The following ZNF469 variants were observed in gnomAD, a reference collection of about 807,000 sequenced individuals.
ZNF469 encodes zinc finger protein 469.
A neutral mutation model predicts 1.0 loss-of-function variants in ZNF469; 1 was observed. The observed-to-expected ratio is 1.00, with a 90% CI of 0.35 to 4.73. The LOEUF (loss-of-function observed/expected upper bound fraction) is 4.73. ZNF469 is among the 30% of genes most tolerant of loss of function. ZNF469 has a pLI of 0.16. For synonymous variants in ZNF469, 2,703 were observed against 2,363.4 expected, an observed-to-expected ratio of 1.14 and a Z score of -4.17; for missense variants, 6,100 against 5,356.3, an observed-to-expected ratio of 1.14 and a Z score of -4.33.
the ZNF469 span, among the ~76,000 whole-genome samples, chr16:88,163,044 G>A: frequency 1.1e-4 from 16 of 152,110 alleles, no homozygotes. Flanking sequence ...TGGATGAATG[G>A]ATGTGTGGGT....
chr16:88,319,890 G>T, the ZNF469 span, among the ~76,000 whole-genome samples: 1 of 152,220 alleles, frequency 6.6e-6, no homozygotes, highest in Admixed American at 6.5e-5. Flanking sequence ...CCAAGGAAAG[G>T]TTTTCTCCAG....
Position 88,431,192 on chromosome 16 carries a change from TCA to T in ZNF469, c.3725_3726del (p.Thr1242ArgfsTer32). On this transcript the variant is annotated frameshift_variant, in exon 3 of 3. Coordinates refer to ENST00000565624, the MANE Select transcript of ZNF469 (RefSeq NM_001367624.2). LOFTEE classifies it low-confidence loss of function (END_TRUNC). ...GAGTCAGCCCCGGACAGCACAGAATTCACAGAGGCTTTGCGTTCTCCTCCAGC... is the reference window on the plus strand; with the variant it reads ...GAGTCAGCCCCGGACAGCACAGAATTCAGAGGCTTTGCGTTCTCCTCCAGC... 1 of 1,550,098 alleles carries T rather than the reference TCA, an allele frequency of 6.5e-7. No homozygotes were observed. The highest frequency in any genetic ancestry group is 8.7e-7 in the Non-Finnish European group (1 of 1,146,952).
the ZNF469 span, among the ~76,000 whole-genome samples, chr16:88,105,288 C>CT: frequency 7.7e-6 from 1 of 130,434 alleles, no homozygotes; most frequent in Admixed American, 9.0e-5. Flanking sequence ...ACAGCATTTT[C>CT]TTTTTTCTTT....
the ZNF469 span, among the ~76,000 whole-genome samples, chr16:88,251,545 T>TTTTTTTTG: frequency 2.2e-4 from 5 of 22,550 alleles, no homozygotes; most frequent in Non-Finnish European, 4.0e-4. Context: ...TGTCTTTTTT[T>TTTTTTTTG]TTTTTTTTTT....
the ZNF469 span, among the ~76,000 whole-genome samples, chr16:88,286,674 G>C: frequency 6.6e-6 from 1 of 152,262 alleles, no homozygotes; most frequent in Non-Finnish European, 1.5e-5. Flanking sequence ...GGGCTGGCTG[G>C]GAAGAGGCTC....
At chr16:88,305,453 GACAC>G in the ZNF469 span, among the ~76,000 whole-genome samples, 25 of 95,674 alleles carry the variant, frequency 2.6e-4, no homozygotes, top group East Asian at 1.2e-3. Flanking sequence ...CATGCTCATA[GACAC>G]ACACGCACAC....
intron 1 of ZNF469, among the ~76,000 whole-genome samples, chr16:88,422,829 TGATGGATGGGTGGATG>T (rs1456895079): frequency 7.8e-6 from 1 of 128,214 alleles, no homozygotes; most frequent in Non-Finnish European, 1.6e-5. Context: ...GGTGGGTGGG[TGATGGATGGGTGGATG>T]GATGGATGGA....
At chr16:88,325,432 C>T in the ZNF469 span, among the ~76,000 whole-genome samples, 11 of 152,364 alleles carry the variant, frequency 7.2e-5, no homozygotes, top group Middle Eastern at 3.4e-3. Flanking sequence ...CCAATTCATG[C>T]CTGAAGGCGG....
chr16:88,282,282 C>T, the ZNF469 span, among the ~76,000 whole-genome samples: 1 of 152,124 alleles, frequency 6.6e-6, no homozygotes. Context: ...CGGAAGGCAC[C>T]TTGGGCCTGT....
the ZNF469 span, among the ~76,000 whole-genome samples, chr16:88,279,317 G>T: frequency 6.6e-6 from 1 of 150,776 alleles, no homozygotes; most frequent in African/African-American, 2.5e-5. Flanking sequence ...GCTGACACTC[G>T]GTCAGTACCT....
the ZNF469 span, among the ~76,000 whole-genome samples, chr16:88,207,450 G>A: frequency 4.9e-4 from 31 of 63,894 alleles, 10 homozygotes; most frequent in South Asian, 8.6e-3. Context: ...TGCGCCTCCT[G>A]GTTCCCTGGC....
At chr16:88,114,116 T>G in the ZNF469 span, among the ~76,000 whole-genome samples, 1 of 151,434 alleles carries the variant, frequency 6.6e-6, no homozygotes, top group Non-Finnish European at 1.5e-5. Context: ...TGTGCCCAAG[T>G]TTGCCCACCT....
chr16:88,294,328 T>A, the ZNF469 span, among the ~76,000 whole-genome samples: 1 of 152,188 alleles, frequency 6.6e-6, no homozygotes, highest in South Asian at 2.1e-4. Context: ...ACACACCATC[T>A]AAGCACCCGC....
intron 1 of ZNF469, among the ~76,000 whole-genome samples, chr16:88,388,089 G>T (rs1904385019): frequency 6.6e-6 from 1 of 152,270 alleles, no homozygotes; most frequent in Admixed American, 6.5e-5. Context: ...CTGCAGAGGG[G>T]CTCCCCAGAG....
chr16:88,238,462 A>G, the ZNF469 span, among the ~76,000 whole-genome samples: 4 of 150,502 alleles, frequency 2.7e-5, no homozygotes, highest in Admixed American at 2.6e-4. Context: ...TAGACCCTAA[A>G]TAGATAGACC....
At chr16:88,315,530 C>T in the ZNF469 span, among the ~76,000 whole-genome samples, 1 of 152,310 alleles carries the variant, frequency 6.6e-6, no homozygotes, top group Non-Finnish European at 1.5e-5. Flanking sequence ...CATTTTATCG[C>T]CATGGTGACC....
the ZNF469 span, among the ~76,000 whole-genome samples, chr16:88,317,062 C>A: frequency 1.3e-5 from 2 of 152,328 alleles, no homozygotes; most frequent in East Asian, 1.9e-4. Context: ...GGGGCTCTGG[C>A]AGAGAGAGGG....
chr16:88,281,688 C>T, the ZNF469 span, among the ~76,000 whole-genome samples: 16 of 147,236 alleles, frequency 1.1e-4, 1 homozygote, highest in South Asian at 3.0e-3. Context: ...CACCAACACT[C>T]GGTCAGTACC....
chr16:88,245,803 C>G, the ZNF469 span, among the ~76,000 whole-genome samples: 2 of 152,280 alleles, frequency 1.3e-5, no homozygotes, highest in African/African-American at 2.4e-5. Context: ...CCACCAGACA[C>G]TAGAACAAAG....
Sources: gnomAD v4.1 joint callset for allele counts (sites outside exome capture counted in the v4.1 genomes callset) on GRCh38, gnomAD v4.1.1 for gene constraint, MANE v1.5 for transcripts, NCBI Gene and HGNC (gene_info 2026-07-23, HGNC 2026-07-21) for gene names.